Variants in MCUB observed in about 807,000 individuals in gnomAD.
MCUB encodes the protein mitochondrial calcium uniporter dominant negative subunit beta, also known as calcium uniporter regulatory subunit MCUb, mitochondrial.
In MCUB, 46 loss-of-function variants were observed where a neutral mutation model predicts 41.4. The observed-to-expected ratio is 1.11, with a 90% CI of 0.88 to 1.42. The LOEUF (loss-of-function observed/expected upper bound fraction) is 1.42, where lower values mean the gene tolerates loss of function less well. Ranked by LOEUF, MCUB falls within the 40% of genes most tolerant of loss-of-function variation. The probability of loss-of-function intolerance (pLI) is 0.00; values close to 1 mark genes in which losing one functional copy is unlikely to be tolerated. For synonymous variants in MCUB, 148 were observed against 148.2 expected (o/e 1.00, Z 0.01); for missense variants, 403 against 404.9 (o/e 1.00, Z 0.04).
At chr4:109,635,401 C>T (rs767818140) in intron 1 of MCUB, among the ~76,000 whole-genome samples, 3 of 152,194 alleles carry the variant, frequency 2.0e-5, no homozygotes, top group Non-Finnish European at 4.4e-5. Context: ...GCAGTTCCTG[C>T]GGCCTTCTTA....
chr4:109,613,142 T>C (rs572728872), intron 1 of MCUB, among the ~76,000 whole-genome samples: 1 of 152,074 alleles, frequency 6.6e-6, no homozygotes, highest in South Asian at 2.1e-4. Context: ...TTAAAAAATA[T>C]ATCAGCCCAC....
intron 1 of MCUB, among the ~76,000 whole-genome samples, chr4:109,638,285 A>C (rs76495525): frequency 0.013 from 2,031 of 152,282 alleles, 56 homozygotes; most frequent in African/African-American, 0.045. Flanking sequence ...TGAACCCAGG[A>C]GGTCAAGGCA....
intron 4 of MCUB, among the ~76,000 whole-genome samples, chr4:109,677,783 G>C (rs1010774596): frequency 4.5e-4 from 46 of 102,204 alleles, no homozygotes; most frequent in Admixed American, 2.3e-3. Flanking sequence ...ACAAATTTCT[G>C]TTCCTTATAA....
At chr4:109,600,165 C>T (rs1727696491) in intron 1 of MCUB, among the ~76,000 whole-genome samples, 1 of 152,192 alleles carries the variant, frequency 6.6e-6, no homozygotes, top group South Asian at 2.1e-4. Flanking sequence ...ATGGCAATGG[C>T]ACTTTAATGT....
At chr4:109,635,196 C>A (rs557073621) in intron 1 of MCUB, among the ~76,000 whole-genome samples, 1 of 152,314 alleles carries the variant, frequency 6.6e-6, no homozygotes, top group Non-Finnish European at 1.5e-5. Context: ...TTTATCCAGT[C>A]TATCATTGAT....
At chr4:109,684,317 C>G in intron 5 of MCUB, 126 bp from the exon 6 acceptor site, 1 of 641,570 alleles carries the variant, frequency 1.6e-6, no homozygotes, top group Non-Finnish European at 2.6e-6. Context: ...CCACCTCGGC[C>G]TCCCAGAGTG....
At chr4:109,669,976 T>G (rs1729419235) in intron 4 of MCUB, among the ~76,000 whole-genome samples, 1 of 152,264 alleles carries the variant, frequency 6.6e-6, no homozygotes, top group African/African-American at 2.4e-5. Flanking sequence ...TTATTTCAAG[T>G]TGCTAGTCCG....
intron 4 of MCUB, among the ~76,000 whole-genome samples, chr4:109,675,422 T>G (rs1729550659): frequency 6.6e-6 from 1 of 152,216 alleles, no homozygotes; most frequent in Non-Finnish European, 1.5e-5. Context: ...CCACACACAC[T>G]AAGAGAGTTG....
At chr4:109,633,132 G>A (rs1215153752) in intron 1 of MCUB, among the ~76,000 whole-genome samples, 1 of 152,110 alleles carries the variant, frequency 6.6e-6, no homozygotes, top group Non-Finnish European at 1.5e-5. Context: ...TGAAATGTAT[G>A]ACTATAAATT....
At chr4:109,642,975 A>G (rs953444781) in intron 1 of MCUB, among the ~76,000 whole-genome samples, 6 of 131,920 alleles carry the variant, frequency 4.5e-5, no homozygotes, top group Middle Eastern at 4.3e-3. Context: ...TTGTATTTTT[A>G]ATAGAGACGG....
chr4:109,610,289 G>C (rs1727977948), intron 1 of MCUB, among the ~76,000 whole-genome samples: 1 of 152,200 alleles, frequency 6.6e-6, no homozygotes, highest in African/African-American at 2.4e-5. Context: ...ACTGGTACCT[G>C]ATTTTTGGTT....
rs1175461942 is a variant in MCUB at position 109,688,369 on chromosome 4, A to G, written c.*777A>G. 6.6e-6 allele frequency: 1 copy of G among 152,262 alleles called. No homozygotes were observed. The highest frequency in any genetic ancestry group is 6.5e-5 in the Admixed American group (1 of 15,288). 9.4% of individuals were successfully genotyped at this position (152,262 alleles called of 1,614,324 possible). ...CTGTTGGACTGTTTGTAGGAACTTA[A>G]CATGGAAGATGCTGACAGAATCAGA... On this transcript the variant is annotated 3_prime_UTR_variant, in exon 8 of 8. Transcript: ENST00000394650.
intron 1 of MCUB, among the ~76,000 whole-genome samples, chr4:109,609,760 T>C (rs1460706046): frequency 1.4e-4 from 21 of 152,142 alleles, no homozygotes; most frequent in Admixed American, 1.4e-3. Context: ...CAGTGCCCGC[T>C]GCAGCCACTC....
rs1579087367 is a variant in MCUB at position 109,658,025 on chromosome 4, A to G, written c.100-986A>G. ...TGCTGTTTATAGGAGACAGGGTCTC[A>G]CTGTGTCGGCCAGGCTGGCCTTGAA... On this transcript the variant is annotated intron_variant, in intron 1 of 7. Coordinates refer to ENST00000394650, the MANE Select transcript of MCUB (RefSeq NM_017918.5). Among the ~76,000 whole-genome samples, 5 of 152,314 alleles carry G rather than the reference A, an allele frequency of 3.3e-5. No homozygotes were observed. The South Asian group carries it at 8.3e-4, about 25-fold the overall frequency.
chr4:109,561,700 C>G (rs1208772138), intron 1 of MCUB, among the ~76,000 whole-genome samples: 2 of 152,090 alleles, frequency 1.3e-5, no homozygotes, highest in Non-Finnish European at 2.9e-5. Flanking sequence ...TTAAAACAAC[C>G]CAATACGAGG....
intron 1 of MCUB, among the ~76,000 whole-genome samples, chr4:109,564,088 T>C (rs1395910826): frequency 6.6e-6 from 1 of 152,202 alleles, no homozygotes; most frequent in Non-Finnish European, 1.5e-5. Context: ...TTCAATGTTT[T>C]ATGTCATTTC....
intron 1 of MCUB, among the ~76,000 whole-genome samples, chr4:109,619,330 T>C (rs1479195406): frequency 6.6e-6 from 1 of 152,022 alleles, no homozygotes; most frequent in Non-Finnish European, 1.5e-5. Context: ...CTGCCCGCCT[T>C]GGCTTCCCCA....
chr4:109,597,084 G>A (rs1334859698), intron 1 of MCUB, among the ~76,000 whole-genome samples: 3 of 150,966 alleles, frequency 2.0e-5, no homozygotes, highest in East Asian at 2.0e-4. Context: ...CAAGGCAGAA[G>A]AATTTTTCTT....
rs569707381 is a variant in MCUB, at chr4:109,580,908, T to C, written c.99+20472T>C. Among the ~76,000 whole-genome samples, 23 of 152,350 alleles carry C rather than the reference T, an allele frequency of 1.5e-4. No homozygotes were observed. The South Asian group carries it at 4.8e-3, about 32-fold the overall frequency. On this transcript the variant is annotated intron_variant, in intron 1 of 7. Transcript: ENST00000394650. ...AGATCCCATTTGTCCGAACATTCCA[T>C]GCTCATGGGTAGGAAGAATCAATAT...
Sources: allele counts gnomAD v4.1 joint callset (sites outside exome capture counted in the v4.1 genomes callset), GRCh38; gene constraint gnomAD v4.1.1; transcripts MANE v1.5; gene names NCBI Gene and HGNC (gene_info 2026-07-23, HGNC 2026-07-21).